Variants in PPP1R12C observed in about 807,000 individuals in gnomAD.
The protein encoded by PPP1R12C is leukocyte receptor cluster (LRC) encoded novel gene 3.
In PPP1R12C, 48 loss-of-function variants were observed where a neutral mutation model predicts 95.6. The observed-to-expected ratio is 0.50, with a 90% confidence interval of 0.40 to 0.64. The LOEUF is 0.64. PPP1R12C is among the 30% of genes least tolerant of loss of function. The pLI, the probability that PPP1R12C is intolerant of heterozygous loss-of-function variation, is 0.00. For synonymous variants in PPP1R12C, 480 were observed against 460.8 expected, an observed-to-expected ratio of 1.04 and a Z score of -0.53; for missense variants, 1,057 against 1,083.3, an observed-to-expected ratio of 0.98 and a Z score of 0.34.
Position 55,094,689 on chromosome 19 carries a change from G to A in PPP1R12C, c.1564C>T (p.Pro522Ser), listed in dbSNP as rs142994105. 3.2e-5 allele frequency: 51 copies of A among 1,605,732 alleles called. No homozygotes were observed. The highest frequency in any genetic ancestry group is 4.0e-5 in the Non-Finnish European group (47 of 1,177,712). ...KPNVPTASTA[P>S]PADSRDRRRS... is the part of the protein sequence containing the mutation. ...CGTCGGTCCCGGGAGTCCGCTGGGGGCGCCGTGGAGGCTGTGGGGACGTTT... is the reference window on the plus strand; with the variant it reads ...CGTCGGTCCCGGGAGTCCGCTGGGGACGCCGTGGAGGCTGTGGGGACGTTT... Residue 522 changes from proline (P) to serine (S), a missense_variant, in exon 12 of 22, where the codon CCC becomes TCC. Physicochemically the swap from Pro to Ser is moderately conservative, Grantham distance 74. Coordinates refer to ENST00000263433, the MANE Select transcript of PPP1R12C (RefSeq NM_017607.4).
chr19:55,095,574 G>T lies in PPP1R12C; in HGVS notation c.1257C>A (p.Arg419=). The T allele has an allele frequency of 6.3e-7, 1 of 1,579,612 alleles. No homozygotes were observed. The highest frequency in any genetic ancestry group is 2.2e-5 in the East Asian group (1 of 44,488). Residue 419 remains arginine (R), a synonymous_variant, in exon 10 of 22, where the codon CGC becomes CGA. Transcript: ENST00000263433. ...AACTCCCTGTCTTCAGGAGGCCAAA[G>T]CGCCTGGAGAAGGGGGCCTCTTCAA... is the stretch of plus-strand genomic sequence containing the variant. ...VQLEEAPFSR[R]FGLLKTGSSG... is the part of the protein sequence containing the mutation.
chr19:55,096,616 C>T (rs2084915352), intron 6 of PPP1R12C, among the ~76,000 whole-genome samples: 1 of 152,030 alleles, frequency 6.6e-6, no homozygotes, highest in Non-Finnish European at 1.5e-5. Context: ...TTCTAGCTCC[C>T]AGGGGAGACC....
Position 55,116,866 on chromosome 19 carries a change from G to A in PPP1R12C, c.321+357C>T, listed in dbSNP as rs73935304. Among the ~76,000 whole-genome samples, 576 of 152,340 alleles carry A rather than the reference G, an allele frequency of 3.8e-3. 9 individuals carry two copies. Among genetic ancestry groups the A allele is most frequent in the African/African-American group, 0.013 (535 of 41,580 alleles). On this transcript the variant is annotated intron_variant, in intron 1 of 21. Coordinates refer to ENST00000263433, the MANE Select transcript of PPP1R12C (RefSeq NM_017607.4). The stretch of plus-strand genomic sequence containing the variant: ...CAACATCGGAAGAGGGGAAGTCGAG[G>A]GAGGGATGGTAAGGAGGACTGCATG...
intron 3 of PPP1R12C, among the ~76,000 whole-genome samples, chr19:55,107,367 C>T (rs780117020): frequency 1.3e-5 from 2 of 152,040 alleles, no homozygotes; most frequent in Non-Finnish European, 2.9e-5. Context: ...TGAGTCAAGA[C>T]CATGCCACTG....
rs546136799 is a variant in PPP1R12C at position 55,109,815 on chromosome 19, C to T, written c.571+2652G>A. The stretch of plus-strand genomic sequence containing the variant: ...GGTGCAGCCTGTGATCCAGGTCCTG[C>T]GCACTGCAGCCCCTCTGAGGCTCCT... On this transcript the variant is annotated intron_variant, in intron 3 of 21. Transcript: ENST00000263433. The surrounding 1 kb of genome is among the most constrained non-coding windows in gnomAD (Gnocchi z 4.4). 3.3e-5 allele frequency among the ~76,000 whole-genome samples: 5 copies of T among 152,306 alleles called. No individual in the cohort carries two copies. The highest frequency in any genetic ancestry group is 3.9e-4 in the East Asian group (2 of 5,166).
Position 55,094,818 on chromosome 19 carries a change from CCACAAACAT to C in PPP1R12C, c.1455-29_1455-21del. On this transcript the variant is annotated intron_variant, in intron 11 of 21. Coordinates refer to ENST00000263433, the MANE Select transcript of PPP1R12C (RefSeq NM_017607.4). ...TCAGACCTGCATCAATTCATTCATT[CCACAAACAT>C]TACCCAGGTGCATTGTGTGCCGGCA... 6.3e-7 allele frequency: 1 copy of C among 1,575,878 alleles called. No individual in the cohort carries two copies.
intron 17 of PPP1R12C, 38 bp downstream of exon 17, chr19:55,092,584 C>A: frequency 6.4e-7 from 1 of 1,558,318 alleles, no homozygotes; most frequent in Non-Finnish European, 8.7e-7. Context: ...GCCGGCCCGG[C>A]CCGCACGCAG....
Sources: gnomAD v4.1 joint callset for allele counts (sites outside exome capture counted in the v4.1 genomes callset) on GRCh38, gnomAD v4.1.1 for gene constraint, Gnocchi (gnomAD v3.1) non-coding constraint, MANE v1.5 for transcripts, NCBI Gene and HGNC (gene_info 2026-07-23, HGNC 2026-07-21) for gene names.